The following AGBL4 variants were observed in gnomAD, a reference collection of about 807,000 sequenced individuals.
The protein encoded by AGBL4 is cytosolic carboxypeptidase 6.
A neutral mutation model predicts 66.4 loss-of-function variants in AGBL4; 58 were observed. That is an observed-to-expected ratio of 0.87 (90% CI 0.71 to 1.09). The LOEUF (loss-of-function observed/expected upper bound fraction) is 1.09, where lower values mean the gene tolerates loss of function less well. Ranked by LOEUF, AGBL4 falls within the 50% of genes least tolerant of loss-of-function variation. The pLI is 0.00. For synonymous variants in AGBL4, 234 were observed against 222.9 expected (o/e 1.05, Z -0.44); for missense variants, 579 against 631.0 (o/e 0.92, Z 0.88).
intron 3 of AGBL4, among the ~76,000 whole-genome samples, chr1:49,249,689 T>G (rs1651900622): frequency 6.6e-6 from 1 of 152,186 alleles, no homozygotes; most frequent in Non-Finnish European, 1.5e-5. Flanking sequence ...AAAAGAGAAC[T>G]GCCATGTGAT....
rs141274075 is a variant in AGBL4 at position 49,668,504 on chromosome 1, G to T, written c.282+28809C>A. Among the ~76,000 whole-genome samples the T allele has an allele frequency of 1.6e-4, 24 of 152,206 alleles. 1 individual carries two copies. The East Asian group carries it at 1.9e-3, about 12-fold the overall frequency. On this transcript the variant is annotated intron_variant, in intron 3 of 13. Coordinates refer to ENST00000371839, the MANE Select transcript of AGBL4 (RefSeq NM_032785.4). ...TGACATGTAATTCTGATACTAATAG[G>T]TTCACATACATTTGTCTTTCCTCTA...
intron 5 of AGBL4, among the ~76,000 whole-genome samples, chr1:48,877,904 C>T (rs1490825708): frequency 6.6e-6 from 1 of 152,172 alleles, no homozygotes; most frequent in Non-Finnish European, 1.5e-5. Flanking sequence ...TCCTAGCTTA[C>T]ACATTCACCA....
chr1:49,226,135 C>A (rs1051576249), intron 4 of AGBL4, among the ~76,000 whole-genome samples: 10 of 152,152 alleles, frequency 6.6e-5, no homozygotes, highest in Non-Finnish European at 1.3e-4. Flanking sequence ...TTGTCAGTAT[C>A]TTTAGGCAAT....
chr1:48,968,869 C>G (rs1321393236), intron 5 of AGBL4, among the ~76,000 whole-genome samples: 4 of 152,088 alleles, frequency 2.6e-5, no homozygotes, highest in Non-Finnish European at 5.9e-5. Flanking sequence ...CAAGAGAAAC[C>G]AGGACTTTGA....
rs1333483809 is a variant in AGBL4 at position 48,716,124 on chromosome 1, T to C, written c.635-52883A>G. The stretch of plus-strand genomic sequence containing the variant: ...AAGCAAACTCTAATTAGAGACTACA[T>C]ATTTAAAATACAAAGGAAGCTTGGA... On this transcript the variant is annotated intron_variant, in intron 6 of 13. Transcript: ENST00000371839. Among the ~76,000 whole-genome samples the C allele has an allele frequency of 3.3e-5, 5 of 152,316 alleles. No individual in the cohort carries two copies. The East Asian group carries it at 9.6e-4, about 29-fold the overall frequency.
At chr1:49,964,728 T>C (rs1292900453) in intron 1 of AGBL4, among the ~76,000 whole-genome samples, 1 of 152,116 alleles carries the variant, frequency 6.6e-6, no homozygotes, top group Non-Finnish European at 1.5e-5. Context: ...TCCATTTCTT[T>C]AATATAGAAC....
chr1:49,233,039 A>C (rs2148300649), intron 4 of AGBL4, among the ~76,000 whole-genome samples: 1 of 152,318 alleles, frequency 6.6e-6, no homozygotes, highest in African/African-American at 2.4e-5. Flanking sequence ...GATAATTTAT[A>C]ATTTTTCCCA....
chr1:49,935,129 C>A (rs1484944610), intron 1 of AGBL4, among the ~76,000 whole-genome samples: 1 of 152,222 alleles, frequency 6.6e-6, no homozygotes, highest in Non-Finnish European at 1.5e-5. Context: ...CACTCCCACC[C>A]TAATACAGCG....
At chr1:49,746,406 T>C (rs1650990327) in intron 2 of AGBL4, among the ~76,000 whole-genome samples, 1 of 152,012 alleles carries the variant, frequency 6.6e-6, no homozygotes, top group South Asian at 2.1e-4. Context: ...TCATACATCC[T>C]CTTCTGCATA....
intron 11 of AGBL4, among the ~76,000 whole-genome samples, chr1:48,554,202 C>A (rs1275942794): frequency 6.6e-6 from 1 of 152,196 alleles, no homozygotes; most frequent in Non-Finnish European, 1.5e-5. Flanking sequence ...CACTCCCCTG[C>A]TCTTGTGTCT....
chr1:49,791,895 G>A (rs1046131940), intron 2 of AGBL4, among the ~76,000 whole-genome samples: 1 of 151,968 alleles, frequency 6.6e-6, no homozygotes, highest in African/African-American at 2.4e-5. Flanking sequence ...TTTAAGGGTA[G>A]GAACCACATT....
At chr1:48,673,527 A>G (rs1422814481) in intron 6 of AGBL4, among the ~76,000 whole-genome samples, 2 of 152,238 alleles carry the variant, frequency 1.3e-5, no homozygotes, top group Non-Finnish European at 2.9e-5. Flanking sequence ...CGAAAATGCT[A>G]CTGGGCTTTG....
At position 49,739,609 on chromosome 1, in the gene AGBL4, T is replaced by C. The variant is rs184199432; in HGVS notation, c.158-42172A>G. On this transcript the variant is annotated intron_variant, in intron 2 of 13. Coordinates refer to ENST00000371839, the MANE Select transcript of AGBL4 (RefSeq NM_032785.4). ...ACTCCAAGACACATACTTGTCAGAT[T>C]CACCAAAGTTGAAATGGAAAAAATG... 1.6e-3 allele frequency among the ~76,000 whole-genome samples: 239 copies of C among 152,228 alleles called. 1 individual carries two copies. The highest frequency in any genetic ancestry group is 4.9e-3 in the African/African-American group (204 of 41,520).
chr1:49,566,893 A>C (rs939774617), intron 3 of AGBL4, among the ~76,000 whole-genome samples: 9 of 152,178 alleles, frequency 5.9e-5, no homozygotes, highest in Non-Finnish European at 1.3e-4. Flanking sequence ...CTGCCCCCAG[A>C]GGTGGAGCCT....
intron 3 of AGBL4, among the ~76,000 whole-genome samples, chr1:49,329,540 C>G (rs1645290192): frequency 6.6e-6 from 1 of 151,506 alleles, no homozygotes; most frequent in South Asian, 2.1e-4. Context: ...GTGGTACACA[C>G]CTGTGGTCCC....
intron 11 of AGBL4, among the ~76,000 whole-genome samples, chr1:48,561,019 T>G (rs576987190): frequency 6.6e-6 from 1 of 152,234 alleles, no homozygotes; most frequent in East Asian, 1.9e-4. Context: ...CTGGCCATAC[T>G]GCAGTGCTAG....
intron 5 of AGBL4, among the ~76,000 whole-genome samples, chr1:48,904,257 T>C (rs960823371): frequency 1.3e-5 from 2 of 152,126 alleles, no homozygotes; most frequent in African/African-American, 4.8e-5. Flanking sequence ...CCAGCCTGGG[T>C]GAGAGAGACT....
chr1:49,057,546 A>G (rs1644329372), intron 4 of AGBL4, among the ~76,000 whole-genome samples: 1 of 152,200 alleles, frequency 6.6e-6, no homozygotes, highest in Admixed American at 6.5e-5. Flanking sequence ...CCTCAGATGC[A>G]CCCACTTCAT....
At chr1:49,353,518 G>C (rs891684797) in intron 3 of AGBL4, among the ~76,000 whole-genome samples, 2 of 152,116 alleles carry the variant, frequency 1.3e-5, no homozygotes, top group African/African-American at 4.8e-5. Context: ...CCCTGGAAAA[G>C]GATTAATGGG....
Sources: gnomAD v4.1 joint callset for allele counts (sites outside exome capture counted in the v4.1 genomes callset) on GRCh38, gnomAD v4.1.1 for gene constraint, MANE v1.5 for transcripts, NCBI Gene and HGNC (gene_info 2026-07-23, HGNC 2026-07-21) for gene names.